The following PDE4B variants were observed in gnomAD, a reference collection of about 807,000 sequenced individuals.
The protein encoded by PDE4B is phosphodiesterase 4B, also known as 3',5'-cyclic-AMP phosphodiesterase 4B.
A neutral mutation model predicts 82.2 loss-of-function variants in PDE4B; 20 were observed. The ratio of observed to expected loss-of-function variants is 0.24; its 90% confidence interval spans 0.17 to 0.35. The LOEUF is 0.35. Among genes scored for constraint, PDE4B ranks in the 10% least tolerant of loss-of-function variants. PDE4B has a pLI of 1.00. For missense variants in PDE4B, 655 were observed against 907.2 expected, an observed-to-expected ratio of 0.72 and a Z score of 3.57; for synonymous variants, 320 against 318.9, an observed-to-expected ratio of 1.00 and a Z score of -0.04.
At chr1:65,931,431 GAAAC>G (rs894176804) in intron 3 of PDE4B, among the ~76,000 whole-genome samples, 7 of 152,048 alleles carry the variant, frequency 4.6e-5, no homozygotes, top group South Asian at 2.1e-4. Flanking sequence ...CAGACTGGCA[GAAAC>G]AAACAAACAA....
chr1:66,204,007 A>G (rs894982549), intron 3 of PDE4B, among the ~76,000 whole-genome samples: 2 of 152,062 alleles, frequency 1.3e-5, no homozygotes, highest in African/African-American at 4.8e-5. Flanking sequence ...GATGATGGTG[A>G]CGTACAGATG....
intron 3 of PDE4B, among the ~76,000 whole-genome samples, chr1:66,215,714 C>A (rs1407987580): frequency 6.6e-6 from 1 of 152,076 alleles, no homozygotes; most frequent in East Asian, 1.9e-4. Context: ...GGCCATGAAC[C>A]AGAGAGAGGC....
intron 1 of PDE4B, among the ~76,000 whole-genome samples, chr1:65,857,019 G>A (rs1557781768): frequency 6.6e-6 from 1 of 152,230 alleles, no homozygotes; most frequent in Non-Finnish European, 1.5e-5. Context: ...TGTCAATTGT[G>A]TCATCAAAAT....
At chr1:65,818,683 C>CATATATATATATATATATATATATAT in intron 1 of PDE4B, among the ~76,000 whole-genome samples, 1 of 45,542 alleles carries the variant, frequency 2.2e-5, no homozygotes, top group Admixed American at 2.6e-4. Flanking sequence ...CACACACACA[C>CATATATATATATATATATATATATAT]ACATATATAT....
chr1:66,105,848 A>G (rs553765709), intron 3 of PDE4B, among the ~76,000 whole-genome samples: 6 of 151,986 alleles, frequency 3.9e-5, no homozygotes, highest in East Asian at 1.9e-4. Flanking sequence ...GGCTGAGACA[A>G]TGGGGTTTTC....
chr1:66,095,004 GT>G (rs1645088163), intron 3 of PDE4B, among the ~76,000 whole-genome samples: 1 of 151,866 alleles, frequency 6.6e-6, no homozygotes, highest in Non-Finnish European at 1.5e-5. Context: ...AGACTGACTG[GT>G]TAAGTAAAAT....
chr1:66,267,009 G>A, intron 7 of PDE4B: 1 of 183,548 alleles, frequency 5.4e-6, no homozygotes. Flanking sequence ...TTTTCTTTCT[G>A]GTATCCTGAT....
At chr1:66,348,667 TAA>T (rs930105840) in intron 8 of PDE4B, among the ~76,000 whole-genome samples, 13 of 143,176 alleles carry the variant, frequency 9.1e-5, no homozygotes, top group Admixed American at 7.0e-5. Flanking sequence ...TACTTACAGT[TAA>T]AAAAAAAAAA....
intron 7 of PDE4B, among the ~76,000 whole-genome samples, chr1:66,270,514 A>G (rs1655394328): frequency 6.6e-6 from 1 of 152,200 alleles, no homozygotes; most frequent in Non-Finnish European, 1.5e-5. Flanking sequence ...TCTTTGCCAG[A>G]ACTTTCAGGA....
rs548842474 is a variant in PDE4B, at chr1:66,186,237, G to C, written c.282-61223G>C. 3.2e-4 allele frequency among the ~76,000 whole-genome samples: 48 copies of C among 152,248 alleles called. 1 individual carries two copies. The South Asian group carries it at 9.8e-3, about 31-fold the overall frequency. On this transcript the variant is annotated intron_variant, in intron 3 of 16. Transcript: ENST00000341517. ...GCACCATGCTGTTTTGGTTACTGTA[G>C]CCTCATTGTATAATTTGAAGTCAGG...
intron 8 of PDE4B, among the ~76,000 whole-genome samples, chr1:66,343,763 G>A (rs1661190379): frequency 6.6e-6 from 1 of 152,106 alleles, no homozygotes; most frequent in Admixed American, 6.5e-5. Flanking sequence ...TAAGAAATTT[G>A]TTGACATGGC....
chr1:65,962,748 T>C (rs1220930908), intron 3 of PDE4B, among the ~76,000 whole-genome samples: 2 of 152,180 alleles, frequency 1.3e-5, no homozygotes, highest in Non-Finnish European at 2.9e-5. Flanking sequence ...TTTCCAGTTC[T>C]TTAGGCCTCA....
intron 3 of PDE4B, chr1:66,112,780 G>C (rs1312818929): frequency 1.3e-5 from 2 of 152,178 alleles, no homozygotes; most frequent in South Asian, 2.1e-4. Context: ...TTTACCAATG[G>C]CTTCATGTCC....
chr1:66,019,634 T>G (rs749258029), intron 3 of PDE4B, among the ~76,000 whole-genome samples: 5 of 152,190 alleles, frequency 3.3e-5, no homozygotes, highest in Non-Finnish European at 7.3e-5. Context: ...ATTACAGGCA[T>G]GAGCCACCGT....
chr1:66,147,018 G>A (rs1646288403), intron 3 of PDE4B, among the ~76,000 whole-genome samples: 1 of 152,134 alleles, frequency 6.6e-6, no homozygotes, highest in African/African-American at 2.4e-5. Context: ...GTTTATATAT[G>A]ACTACATTAA....
intron 3 of PDE4B, among the ~76,000 whole-genome samples, chr1:66,235,916 A>G (rs1652391468): frequency 6.6e-6 from 1 of 152,228 alleles, no homozygotes; most frequent in South Asian, 2.1e-4. Context: ...GAAAACAGTA[A>G]TGTACAGAAA....
intron 1 of PDE4B, among the ~76,000 whole-genome samples, chr1:65,838,394 A>G (rs1300555631): frequency 6.6e-6 from 1 of 151,680 alleles, no homozygotes; most frequent in Non-Finnish European, 1.5e-5. Flanking sequence ...TAAGGTGTCT[A>G]CTTTAGAAAT....
In PDE4B at chr1:66,060,185, C is replaced by T. The variant is rs75223388; in HGVS notation, c.281+141350C>T. On this transcript the variant is annotated intron_variant, in intron 3 of 16. Transcript: ENST00000341517. Reference sequence around the variant, plus strand: ...TTTTCAATCTGGCTTCATTTGTCACCGAGTTGTGAAGCTTCAGGATTAAAT... The same window carrying T: ...TTTTCAATCTGGCTTCATTTGTCACTGAGTTGTGAAGCTTCAGGATTAAAT... Among the ~76,000 whole-genome samples, 82 of 152,222 alleles carry T rather than the reference C, an allele frequency of 5.4e-4. 2 individuals are homozygous for T. In the South Asian group the frequency reaches 0.012, roughly 22 times the overall value.
chr1:66,331,355 G>A (rs751342207), intron 7 of PDE4B, among the ~76,000 whole-genome samples: 18 of 152,100 alleles, frequency 1.2e-4, no homozygotes, highest in Non-Finnish European at 2.6e-4. Flanking sequence ...CGTGTATATA[G>A]GAGAGTCCAA....
Sources: allele counts gnomAD v4.1 joint callset (sites outside exome capture counted in the v4.1 genomes callset), GRCh38; gene constraint gnomAD v4.1.1; transcripts MANE v1.5; gene names NCBI Gene and HGNC (gene_info 2026-07-23, HGNC 2026-07-21).